Variants in DISC1 observed in about 807,000 individuals in gnomAD.
The protein encoded by DISC1 is disrupted in schizophrenia 1 protein.
In DISC1, 57 loss-of-function variants were observed where a neutral mutation model predicts 84.5. That is an observed-to-expected ratio of 0.67 (90% CI 0.55 to 0.84). The LOEUF (loss-of-function observed/expected upper bound fraction) is 0.84, where lower values mean the gene tolerates loss of function less well. DISC1 is among the 40% of genes least tolerant of loss of function. DISC1 has a pLI of 0.00. For missense variants in DISC1, 1,000 were observed against 1,057.8 expected, an observed-to-expected ratio of 0.95 and a Z score of 0.76; for synonymous variants, 411 against 415.2, an observed-to-expected ratio of 0.99 and a Z score of 0.12.
chr1:231,754,706 C>A (rs199657151), intron 4 of DISC1, among the ~76,000 whole-genome samples: 48 of 152,314 alleles, frequency 3.2e-4, no homozygotes, highest in Non-Finnish European at 5.3e-4. Flanking sequence ...AAGCCAGTGT[C>A]ATGCATTCTT....
At chr1:231,886,229 A>G (rs959451179) in intron 9 of DISC1, among the ~76,000 whole-genome samples, 1 of 152,200 alleles carries the variant, frequency 6.6e-6, no homozygotes, top group South Asian at 2.1e-4. Context: ...CTTTGGGGAC[A>G]CATTGAAACC....
intron 9 of DISC1, among the ~76,000 whole-genome samples, chr1:231,845,122 G>A (rs933062058): frequency 6.6e-6 from 1 of 152,078 alleles, no homozygotes; most frequent in African/African-American, 2.4e-5. Flanking sequence ...AATACCGGAG[G>A]TTATATTGAG....
chr1:231,842,815 G>T (rs1292594618), intron 9 of DISC1, among the ~76,000 whole-genome samples: 1 of 152,138 alleles, frequency 6.6e-6, no homozygotes, highest in Non-Finnish European at 1.5e-5. Flanking sequence ...TTGAGTATGG[G>T]TCTTATTTAA....
At chr1:231,979,412 A>G (rs1299719945) in intron 10 of DISC1, among the ~76,000 whole-genome samples, 1 of 152,024 alleles carries the variant, frequency 6.6e-6, no homozygotes, top group East Asian at 1.9e-4. Context: ...GCTCAGAGCT[A>G]CTTGGCCTTA....
At chr1:231,662,005 C>G (rs2061602215) in intron 1 of DISC1, among the ~76,000 whole-genome samples, 1 of 152,210 alleles carries the variant, frequency 6.6e-6, no homozygotes, top group Admixed American at 6.5e-5. Flanking sequence ...TACCGTAGGG[C>G]TGCTGCAGTT....
chr1:231,753,731 T>A (rs1320406062), intron 4 of DISC1, among the ~76,000 whole-genome samples: 1 of 152,240 alleles, frequency 6.6e-6, no homozygotes, highest in Non-Finnish European at 1.5e-5. Flanking sequence ...CAAACTTTTA[T>A]GCTTTGTTTC....
At position 231,724,092 on chromosome 1, in the gene DISC1, T is replaced by C. The variant is rs114788152; in HGVS notation, c.1117+22068T>C. 9.9e-3 allele frequency: 9,037 copies of C among 910,420 alleles called. 662 individuals carry two copies. The African/African-American group carries it at 0.15, about 15-fold the overall frequency. The allele number at this position is 910,420 out of a possible 1,614,324, so 56.4% of individuals were successfully genotyped here. On this transcript the variant is annotated intron_variant, in intron 3 of 12. Transcript: ENST00000439617. ...CATCCTTTAAATGGATATTGTCACC[T>C]GCTAATAGATTGGACCAGTATTTTG...
rs1558513969 is a variant in DISC1 at position 231,770,855 on chromosome 1, A to G, written c.1419A>G (p.Gln473=). The G allele has an allele frequency of 3.7e-6, 6 of 1,614,086 alleles. No individual in the cohort carries two copies. The South Asian group carries it at 6.6e-5, about 18-fold the overall frequency. Residue 473 remains glutamine (Q), a synonymous_variant, in exon 6 of 13, where the codon CAA becomes CAG. Coordinates refer to ENST00000439617, the MANE Select transcript of DISC1 (RefSeq NM_018662.3). ...QQLQKEIEAL[Q]ARMFVLEAKD... ...TACAGAAAGAAATCGAAGCTCTCCA[A>G]GCAAGGATGTTTGTGCTGGAAGCCA...
intron 9 of DISC1, among the ~76,000 whole-genome samples, chr1:231,958,016 A>G (rs1268504367): frequency 1.3e-5 from 2 of 152,196 alleles, no homozygotes; most frequent in Non-Finnish European, 2.9e-5. Flanking sequence ...TAACAATAAT[A>G]ATACTAGTAA....
At chr1:231,664,101 C>T (rs892239840) in intron 1 of DISC1, among the ~76,000 whole-genome samples, 4 of 151,800 alleles carry the variant, frequency 2.6e-5, no homozygotes, top group African/African-American at 9.7e-5. Flanking sequence ...TCTAGCTTGA[C>T]CATCACAACA....
chr1:231,779,961 G>T (rs1304902821), intron 6 of DISC1, among the ~76,000 whole-genome samples: 3 of 152,020 alleles, frequency 2.0e-5, no homozygotes, highest in Non-Finnish European at 4.4e-5. Flanking sequence ...TGTTAGAATG[G>T]CAACCTTGCA....
Position 232,026,389 on chromosome 1 carries a change from G to T in DISC1, c.2308-46G>T, listed in dbSNP as rs189363832. ...GGAAGCTTCCCTTTGTGTTCTGTCT[G>T]TGTCCACGGCACTAACAAGTGATCT... is the stretch of plus-strand genomic sequence containing the variant. On this transcript the variant is annotated intron_variant, in intron 11 of 12. Coordinates refer to ENST00000439617, the MANE Select transcript of DISC1 (RefSeq NM_018662.3). 5.7e-4 allele frequency: 762 copies of T among 1,337,124 alleles called. 4 individuals are homozygous for T. The African/African-American group carries it at 0.01, about 18-fold the overall frequency. 82.8% of individuals were successfully genotyped at this position (1,337,124 alleles called of 1,614,324 possible). A position where few individuals can be genotyped will look rare whatever the true frequency, so the allele number is the denominator to read the frequency against.
chr1:231,881,238 G>C (rs1346437831), intron 9 of DISC1, among the ~76,000 whole-genome samples: 1 of 152,166 alleles, frequency 6.6e-6, no homozygotes, highest in Non-Finnish European at 1.5e-5. Flanking sequence ...GTCTGCTTGA[G>C]CTGCCATAAC....
At chr1:231,779,638 C>G (rs922404409) in intron 6 of DISC1, among the ~76,000 whole-genome samples, 2 of 142,154 alleles carry the variant, frequency 1.4e-5, no homozygotes, top group African/African-American at 5.2e-5. Context: ...CAGCTCACTG[C>G]AAGCTCCACT....
At chr1:231,636,836 T>C (rs969472774) in intron 1 of DISC1, among the ~76,000 whole-genome samples, 6 of 152,206 alleles carry the variant, frequency 3.9e-5, no homozygotes, top group Non-Finnish European at 8.8e-5. Flanking sequence ...GTGCAGAACA[T>C]GCAGGTTTGT....
At chr1:231,658,530 C>T (rs147475230) in intron 1 of DISC1, among the ~76,000 whole-genome samples, 11 of 152,156 alleles carry the variant, frequency 7.2e-5, no homozygotes, top group African/African-American at 1.7e-4. Context: ...ATAGGAGTGG[C>T]GAGAGAGGAC....
At chr1:231,697,193 A>G (rs997776163) in intron 2 of DISC1, among the ~76,000 whole-genome samples, 2 of 152,188 alleles carry the variant, frequency 1.3e-5, no homozygotes, top group Non-Finnish European at 2.9e-5. Flanking sequence ...AGGATCTCCA[A>G]AAAGATCCTT....
chr1:231,651,339 G>T (rs1278318846), intron 1 of DISC1, among the ~76,000 whole-genome samples: 1 of 152,236 alleles, frequency 6.6e-6, no homozygotes, highest in Non-Finnish European at 1.5e-5. Flanking sequence ...CTGCAGGTCT[G>T]TTGGAGTTTG....
At chr1:232,024,691 C>T (rs1669286576) in intron 11 of DISC1, among the ~76,000 whole-genome samples, 1 of 151,920 alleles carries the variant, frequency 6.6e-6, no homozygotes, top group Non-Finnish European at 1.5e-5. Flanking sequence ...CTCCCGGGTT[C>T]AAGCGATTCT....
Sources: gnomAD v4.1 joint callset for allele counts (sites outside exome capture counted in the v4.1 genomes callset) on GRCh38, gnomAD v4.1.1 for gene constraint, MANE v1.5 for transcripts, NCBI Gene and HGNC (gene_info 2026-07-23, HGNC 2026-07-21) for gene names.